WIZ: variants seen among roughly 807,000 people sequenced by gnomAD.
WIZ encodes the protein protein Wiz.
A neutral mutation model predicts 140.2 loss-of-function variants in WIZ; 25 were observed. That is an observed-to-expected ratio of 0.18 (90% confidence interval 0.13 to 0.25). The LOEUF is 0.25. Ranked by LOEUF, WIZ falls within the 10% of genes least tolerant of loss-of-function variation. The pLI is 1.00. For synonymous variants in WIZ, 1,125 were observed against 1,154.3 expected, an observed-to-expected ratio of 0.97 and a Z score of 0.51; for missense variants, 2,231 against 2,632.6, an observed-to-expected ratio of 0.85 and a Z score of 3.34.
chr19:15,424,771 A>G lies in WIZ; in HGVS notation c.5156T>C (p.Leu1719Pro), dbSNP rs781547047. The G allele has an allele frequency of 1.3e-6, 2 of 1,583,038 alleles. No homozygotes were observed. Among genetic ancestry groups the G allele is most frequent in the South Asian group, 2.3e-5 (2 of 87,626 alleles). ...HGRDSDKRPS[L>P]GLAPGGLAVV... is the part of the protein sequence containing the mutation. The stretch of plus-strand genomic sequence containing the variant: ...GGCCAGGCCCCCGGGTGCCAGCCCC[A>G]GGGACGGCCGCTTGTCACTGTCACG... Residue 1719 changes from leucine (L) to proline (P), a missense_variant, in exon 11 of 13, where the codon CTG becomes CCG. Leu to Pro is a moderately conservative substitution (Grantham distance 98). This residue lies in a region of WIZ where 299 missense variants were observed against 309.6 expected (regional missense o/e 0.97). Transcript: ENST00000673675. The surrounding 1 kb of genome is among the most constrained non-coding windows in gnomAD (Gnocchi z 9.7).
At chr19:15,443,887 A>G (rs901617524) in intron 2 of WIZ, among the ~76,000 whole-genome samples, 4 of 151,796 alleles carry the variant, frequency 2.6e-5, no homozygotes, top group South Asian at 2.1e-4. Flanking sequence ...CTGAAATCCA[A>G]TCCCCTCCTG....
chr19:15,435,823 G>A lies in WIZ; in HGVS notation c.2740+983C>T, dbSNP rs114369342. On this transcript the variant is annotated intron_variant, in intron 5 of 12. Coordinates refer to ENST00000673675, the MANE Select transcript of WIZ (RefSeq NM_001371589.1). Reference sequence around the variant, plus strand: ...GGTGGCAGAGTGAGACTTCATCTCAGAAAAAATCTAGCCTCTAGGCTGGGC... The same window carrying A: ...GGTGGCAGAGTGAGACTTCATCTCAAAAAAAATCTAGCCTCTAGGCTGGGC... 4.6e-3 allele frequency among the ~76,000 whole-genome samples: 688 copies of A among 151,144 alleles called. 7 individuals carry two copies. Among genetic ancestry groups the A allele is most frequent in the African/African-American group, 0.016 (654 of 41,126 alleles).
rs762393609 is a variant in WIZ at position 15,423,075 on chromosome 19, G to A, written c.*1C>T. The A allele has an allele frequency of 5.0e-6, 8 of 1,611,248 alleles. No individual in the cohort carries two copies. Among genetic ancestry groups the A allele is most frequent in the Admixed American group, 3.3e-5 (2 of 59,970 alleles). ...GAGAGGGGATCTGGAATGCTTTTGTGTTAGGGAGCCTCTGCCGCCGCTGTC... is the reference window on the plus strand; with the variant it reads ...GAGAGGGGATCTGGAATGCTTTTGTATTAGGGAGCCTCTGCCGCCGCTGTC... On this transcript the variant is annotated 3_prime_UTR_variant, in exon 13 of 13. Coordinates refer to ENST00000673675, the MANE Select transcript of WIZ (RefSeq NM_001371589.1).
chr19:15,440,644 C>A lies in WIZ; in HGVS notation c.350G>T (p.Gly117Val). The A allele has an allele frequency of 6.5e-7, 1 of 1,529,676 alleles. No homozygotes were observed. Among genetic ancestry groups the A allele is most frequent in the Non-Finnish European group, 8.8e-7 (1 of 1,141,892 alleles). 94.8% of individuals were successfully genotyped at this position (1,529,676 alleles called of 1,614,324 possible). Residue 117 changes from glycine (G) to valine (V), a missense_variant, in exon 4 of 13, where the codon GGT (glycine) becomes GTT (valine). By Grantham distance (109) the Gly-to-Val change is moderately radical (BLOSUM62 -3). This residue lies in a region of WIZ where 307 missense variants were observed against 294.1 expected (regional missense o/e 1.04). Coordinates refer to ENST00000673675, the MANE Select transcript of WIZ (RefSeq NM_001371589.1). This position sits in a 1 kb window ranked among gnomAD's most constrained non-coding sequence, Gnocchi z 6.2. The stretch of plus-strand genomic sequence containing the variant: ...CCAGGGCCCCCGGCCATCAGGGGTA[C>A]CTGGGAAATGGCCCAGGAGATGGGG... ...PPPHLLGHFP[G>V]TPDGRGPWEH...
chr19:15,425,219 G>A, intron 10 of WIZ, 22 bp downstream of exon 10: 1 of 1,559,826 alleles, frequency 6.4e-7, no homozygotes, highest in Non-Finnish European at 8.7e-7. Flanking sequence ...GCCCTCCCAG[G>A]ACCCTGCCGC....
chr19:15,422,818 G>A lies in WIZ; in HGVS notation c.*258C>T, dbSNP rs1968452647. ...CAGACCGGCTGCCATCAGAGACCTG[G>A]CTGCTGCCCCTGCTGGACCAGGTGG... On this transcript the variant is annotated 3_prime_UTR_variant, in exon 13 of 13. Transcript: ENST00000673675. The A allele has an allele frequency of 3.7e-6, 2 of 541,812 alleles. No individual in the cohort carries two copies. The highest frequency in any genetic ancestry group is 6.5e-6 in the Non-Finnish European group (2 of 307,150). The allele number at this position is 541,812 out of a possible 1,614,324, so 33.6% of individuals were successfully genotyped here.
chr19:15,448,010 C>T (rs1230034176), intron 2 of WIZ, 93 bp downstream of exon 2: 7 of 1,453,398 alleles, frequency 4.8e-6, no homozygotes, highest in Non-Finnish European at 6.6e-6. Context: ...AGCATCCCAG[C>T]TCAGCCGCTG....
chr19:15,441,713 T>C (rs552849113), intron 3 of WIZ, among the ~76,000 whole-genome samples: 44 of 152,288 alleles, frequency 2.9e-4, no homozygotes, highest in Non-Finnish European at 5.4e-4. Context: ...GTGGAGACCA[T>C]AAGGTCACCT....
In WIZ at chr19:15,420,508, C is replaced by T. The variant is rs145253661; in HGVS notation, c.*2568G>A. The T allele has an allele frequency of 4.6e-5, 7 of 152,350 alleles. No individual in the cohort carries two copies. Among genetic ancestry groups the T allele is most frequent in the African/African-American group, 9.6e-5 (4 of 41,568 alleles). 9.4% of individuals were successfully genotyped at this position (152,350 alleles called of 1,614,324 possible). ...ACACGTCTTCTGCGCCCTGCAGGTT[C>T]GTTCCTTCATCGCACTTGCCACAGT... On this transcript the variant is annotated 3_prime_UTR_variant, in exon 13 of 13. Transcript: ENST00000673675.
At position 15,427,361 on chromosome 19, in the gene WIZ, C is replaced by A. The variant is rs1253787656; in HGVS notation, c.3987G>T (p.Arg1329=). ...GAGGTCCACCAGGCCGAGACTGGGT[C>A]CGTCTCTTCAGGATCTCCCGCAGCG... ...IDTLREILKR[R]TQSRPGGPPN... is the part of the protein sequence containing the mutation. Residue 1329 remains arginine, a synonymous_variant, in exon 9 of 13, where the codon CGG becomes CGT. Coordinates refer to ENST00000673675, the MANE Select transcript of WIZ (RefSeq NM_001371589.1). The surrounding 1 kb of genome is among the most constrained non-coding windows in gnomAD (Gnocchi z 6.4). The A allele has an allele frequency of 6.2e-7, 1 of 1,613,708 alleles. No homozygotes were observed. The highest frequency in any genetic ancestry group is 1.7e-5 in the Admixed American group (1 of 60,016).
chr19:15,433,363 C>G, intron 5 of WIZ: 1 of 985,480 alleles, frequency 1.0e-6, no homozygotes, highest in Non-Finnish European at 1.2e-6. Flanking sequence ...CGCCCCCAAC[C>G]TGGCACCCGC....
chr19:15,425,469 C>T lies in WIZ; in HGVS notation c.4666G>A (p.Gly1556Ser). The T allele has an allele frequency of 6.3e-7, 1 of 1,598,200 alleles. No homozygotes were observed. Among genetic ancestry groups the T allele is most frequent in the Non-Finnish European group, 8.5e-7 (1 of 1,172,416 alleles). ...CCTGCACCTGGTTTGCCTGGCCGGC[C>T]AGCCAGGGGCGACAGCGGCAGTGGG... ...QSPLPLSPLAGRPGKPGAGPA... is the reference protein window; with the variant it reads ...QSPLPLSPLASRPGKPGAGPA... Residue 1556 changes from glycine to serine, a missense_variant, in exon 10 of 13, where the codon GGC becomes AGC. Gly to Ser is a moderately conservative substitution (Grantham distance 56, BLOSUM62 0). Transcript: ENST00000673675.
At position 15,423,096 on chromosome 19, in the gene WIZ, C is replaced by A; in HGVS notation, c.5650G>T (p.Ala1884Ser). The part of the protein sequence containing the change: ...EESQAPQAQT[A>S]AAEAP ...TTGTGTTAGGGAGCCTCTGCCGCCG[C>A]TGTCTGTGCCTGCGGGGCCTGGGAC... The change falls in exon 13 of 13, where the codon GCG (alanine) becomes TCG (serine). Residue 1884 changes from alanine (A) to serine (S), a missense_variant. This residue lies in a region of WIZ where 299 missense variants were observed against 309.6 expected (regional missense o/e 0.97). Transcript: ENST00000673675. The A allele has an allele frequency of 1.9e-6, 3 of 1,611,946 alleles. No homozygotes were observed. The South Asian group carries it at 3.3e-5, about 18-fold the overall frequency.
In WIZ at chr19:15,425,739, G is replaced by A. The variant is rs766176325; in HGVS notation, c.4396C>T (p.Arg1466Cys). The A allele has an allele frequency of 3.6e-5, 58 of 1,605,016 alleles. No individual in the cohort carries two copies. Among genetic ancestry groups the A allele is most frequent in the Non-Finnish European group, 4.6e-5 (54 of 1,175,684 alleles). The part of the protein sequence containing the change: ...SSRAEPVRDI[R>C]CEFCGEFFEN... ...AAGAACTCGCCGCAGAACTCACAGC[G>A]GATGTCGCGCACCGGCTCTGCCCGG... Residue 1466 changes from arginine (R) to cysteine (C), a missense_variant, in exon 10 of 13, where the codon CGC (arginine) becomes TGC (cysteine). Coordinates refer to ENST00000673675, the MANE Select transcript of WIZ (RefSeq NM_001371589.1).
At position 15,423,131 on chromosome 19, in the gene WIZ, G is replaced by C. The variant is rs374817237; in HGVS notation, c.5615C>G (p.Pro1872Arg). ...LEMNFSKADP[P>R]PEESQAPQAQ... ...CTGCGGGGCCTGGGACTCCTCAGGT[G>C]GGGGGTCCGCTTTGGAGAAGTTCAT... is the stretch of plus-strand genomic sequence containing the variant. Residue 1872 changes from proline (P) to arginine (R), a missense_variant, in exon 13 of 13, where the codon CCA (proline) becomes CGA (arginine). Physicochemically the swap from Pro to Arg is moderately radical, Grantham distance 103. This residue lies in a region of WIZ where 299 missense variants were observed against 309.6 expected (regional missense o/e 0.97). Coordinates refer to ENST00000673675, the MANE Select transcript of WIZ (RefSeq NM_001371589.1). The C allele has an allele frequency of 9.9e-6, 16 of 1,612,638 alleles. No homozygotes were observed. The East Asian group carries it at 1.1e-4, about 11-fold the overall frequency.
chr19:15,424,319 T>A lies in WIZ; in HGVS notation c.5374A>T (p.Thr1792Ser). The A allele has an allele frequency of 6.2e-7, 1 of 1,603,990 alleles. No homozygotes were observed. Among genetic ancestry groups the A allele is most frequent in the Non-Finnish European group, 8.5e-7 (1 of 1,177,010 alleles). Residue 1792 changes from threonine to serine, a missense_variant, in exon 12 of 13, where the codon ACC becomes TCC. Around this residue, in one of 15 missense-constraint regions of WIZ, gnomAD observed 299 missense variants for 309.6 expected, o/e 0.97. Coordinates refer to ENST00000673675, the MANE Select transcript of WIZ (RefSeq NM_001371589.1). This position sits in a 1 kb window ranked among gnomAD's most constrained non-coding sequence, Gnocchi z 9.7. ...TCCAGCTTCTGCTGTAGGTCATTGG[T>A]GTCCTCGCCTCCCCGGGCTGCGGAG... ...DASAARGGED[T>S]NDLQQKLEEV...
intron 2 of WIZ, among the ~76,000 whole-genome samples, chr19:15,446,880 G>A (rs961299238): frequency 6.6e-6 from 1 of 152,238 alleles, no homozygotes; most frequent in Non-Finnish European, 1.5e-5. Context: ...CCTAGAAGAT[G>A]CTGTGTATTT....
At chr19:15,431,815 G>T (rs1288060530) in intron 5 of WIZ, among the ~76,000 whole-genome samples, 1 of 152,344 alleles carries the variant, frequency 6.6e-6, no homozygotes, top group East Asian at 1.9e-4. Context: ...TTAAGTTTCT[G>T]AGACATCTAT....
Position 15,424,606 on chromosome 19 carries a change from C to T in WIZ, c.5314+7G>A. On this transcript the variant is annotated splice_region_variant and intron_variant, in intron 11 of 12. Coordinates refer to ENST00000673675, the MANE Select transcript of WIZ (RefSeq NM_001371589.1). The surrounding 1 kb of genome is among the most constrained non-coding windows in gnomAD (Gnocchi z 9.7). ...GCGCTCCCGACCCTCCTCCACCAAG[C>T]ACTCACTGTTGATGTTCTGCCGCTG... 2 of 1,585,888 alleles carry T rather than the reference C, an allele frequency of 1.3e-6. No homozygotes were observed. The highest frequency in any genetic ancestry group is 8.5e-7 in the Non-Finnish European group (1 of 1,174,392).
Sources: gnomAD v4.1 joint callset for allele counts (sites outside exome capture counted in the v4.1 genomes callset) on GRCh38, gnomAD v4.1.1 for gene constraint, gnomAD v4.1.1 regional missense constraint, Gnocchi (gnomAD v3.1) non-coding constraint, MANE v1.5 for transcripts, NCBI Gene and HGNC (gene_info 2026-07-23, HGNC 2026-07-21) for gene names.